The following ESR1 variants were observed in gnomAD, a reference collection of about 807,000 sequenced individuals.
The protein encoded by ESR1 is estrogen receptor.
In ESR1, 12 loss-of-function variants were observed where a neutral mutation model predicts 52.7. That is an observed-to-expected ratio of 0.23 (90% CI 0.15 to 0.37). The LOEUF is 0.37. Among genes scored for constraint, ESR1 ranks in the 10% least tolerant of loss-of-function variants. The pLI, the probability that ESR1 is intolerant of heterozygous loss-of-function variation, is 1.00. For synonymous variants in ESR1, 305 were observed against 316.8 expected (o/e 0.96, Z 0.39); for missense variants, 584 against 779.7 (o/e 0.75, Z 2.99).
At chr6:151,680,307 G>C (rs994465726) in intron 1 of ESR1, among the ~76,000 whole-genome samples, 1 of 149,870 alleles carries the variant, frequency 6.7e-6, no homozygotes, top group Admixed American at 6.7e-5. Flanking sequence ...AGGTTCAAGT[G>C]AGTCTCCTGC....
At chr6:152,091,887 A>G (rs754503020) in intron 6 of ESR1, among the ~76,000 whole-genome samples, 4 of 152,220 alleles carry the variant, frequency 2.6e-5, no homozygotes, top group Admixed American at 6.5e-5. Flanking sequence ...GGTGGGAACA[A>G]AAAAGGAAAT....
intron 5 of ESR1, among the ~76,000 whole-genome samples, chr6:152,056,784 G>A (rs565885174): frequency 7.9e-5 from 12 of 152,256 alleles, no homozygotes; most frequent in African/African-American, 1.2e-4. Context: ...AGGCTGTCAC[G>A]TCTCACAGTG....
At chr6:151,868,242 C>T (rs1790314004) in intron 2 of ESR1, among the ~76,000 whole-genome samples, 1 of 152,148 alleles carries the variant, frequency 6.6e-6, no homozygotes, top group South Asian at 2.1e-4. Flanking sequence ...ATTCTCCTGC[C>T]TCAGCCTCCC....
At chr6:151,851,669 A>T (rs1274271910) in intron 2 of ESR1, among the ~76,000 whole-genome samples, 1 of 152,014 alleles carries the variant, frequency 6.6e-6, no homozygotes, top group African/African-American at 2.4e-5. Flanking sequence ...CTAGGATTAC[A>T]GGCGTCCACC....
At chr6:152,021,805 GT>G (rs1356198629) in intron 5 of ESR1, among the ~76,000 whole-genome samples, 2 of 152,040 alleles carry the variant, frequency 1.3e-5, no homozygotes, top group African/African-American at 4.8e-5. Flanking sequence ...TCTTCTCCTG[GT>G]AGTGAATAAG....
At chr6:152,114,714 A>C (rs2051187188) in intron 6 of ESR1, among the ~76,000 whole-genome samples, 2 of 150,936 alleles carry the variant, frequency 1.3e-5, no homozygotes, top group African/African-American at 4.9e-5. Flanking sequence ...AAACGGTGAA[A>C]CCCCGTCTCT....
intron 1 of ESR1, among the ~76,000 whole-genome samples, chr6:151,841,753 C>A (rs997550806): frequency 2.0e-5 from 3 of 151,892 alleles, no homozygotes; most frequent in Non-Finnish European, 4.4e-5. Context: ...CTGATTTTCA[C>A]GCAGTCTGGA....
intron 4 of ESR1, among the ~76,000 whole-genome samples, chr6:151,964,498 G>A (rs2982693): frequency 0.59 from 90,181 of 151,784 alleles, 27,544 homozygotes; most frequent in Middle Eastern, 0.73. Flanking sequence ...GAAAAGCTAT[G>A]GATTTTTGCA....
At chr6:151,829,461 C>G (rs748337256) in intron 1 of ESR1, among the ~76,000 whole-genome samples, 1 of 152,084 alleles carries the variant, frequency 6.6e-6, no homozygotes, top group Non-Finnish European at 1.5e-5. Flanking sequence ...GCATTAGAAA[C>G]GCAATGGCTA....
chr6:151,841,187 C>G (rs1035498449), intron 1 of ESR1, among the ~76,000 whole-genome samples: 1 of 152,210 alleles, frequency 6.6e-6, no homozygotes, highest in Admixed American at 6.6e-5. Flanking sequence ...CTGGCCCATG[C>G]CCTTCAGTCT....
intron 4 of ESR1, among the ~76,000 whole-genome samples, chr6:151,992,285 G>A (rs1453571110): frequency 6.6e-6 from 1 of 151,924 alleles, no homozygotes; most frequent in Non-Finnish European, 1.5e-5. Context: ...ATCATCCCAG[G>A]CAAACTCTGT....
At chr6:151,886,704 G>A (rs917360023) in intron 3 of ESR1, among the ~76,000 whole-genome samples, 2 of 152,138 alleles carry the variant, frequency 1.3e-5, no homozygotes, top group Non-Finnish European at 2.9e-5. Flanking sequence ...TGGGGACTGC[G>A]ATTGGAATCC....
At chr6:152,111,160 G>A (rs1246914529) in intron 6 of ESR1, among the ~76,000 whole-genome samples, 1 of 152,196 alleles carries the variant, frequency 6.6e-6, no homozygotes, top group Non-Finnish European at 1.5e-5. Flanking sequence ...GGCCCAGGAA[G>A]GGACCACAGC....
At chr6:151,905,041 A>G (rs1797231345) in intron 3 of ESR1, among the ~76,000 whole-genome samples, 1 of 152,220 alleles carries the variant, frequency 6.6e-6, no homozygotes, top group Non-Finnish European at 1.5e-5. Context: ...ACAGAAACAA[A>G]AGCAAAACAA....
chr6:151,816,906 C>T (rs1464457247), intron 1 of ESR1, among the ~76,000 whole-genome samples: 2 of 152,040 alleles, frequency 1.3e-5, no homozygotes, highest in Non-Finnish European at 2.9e-5. Flanking sequence ...AACAAAGGCA[C>T]TCCAAATCAG....
intron 5 of ESR1, among the ~76,000 whole-genome samples, chr6:152,039,644 C>A (rs2045618742): frequency 6.6e-6 from 1 of 152,094 alleles, no homozygotes; most frequent in African/African-American, 2.4e-5. Flanking sequence ...CATTTCCACC[C>A]CTTGATTCCT....
At chr6:151,966,478 T>G (rs978633924) in intron 4 of ESR1, among the ~76,000 whole-genome samples, 2 of 152,166 alleles carry the variant, frequency 1.3e-5, no homozygotes, top group Non-Finnish European at 2.9e-5. Flanking sequence ...TTTTGTTGTC[T>G]CTCTTTTCTC....
chr6:151,781,493 C>T (rs1786536413), intron 2 of ESR1, among the ~76,000 whole-genome samples: 1 of 152,166 alleles, frequency 6.6e-6, no homozygotes, highest in African/African-American at 2.4e-5. Flanking sequence ...TTGGAGGAGA[C>T]AAAAATTCAA....
chr6:152,100,163 T>G lies in ESR1; in HGVS notation c.*1197T>G. On this transcript the variant is annotated 3_prime_UTR_variant, in exon 8 of 8. Coordinates refer to ENST00000206249, the MANE Select transcript of ESR1 (RefSeq NM_000125.4). Reference sequence around the variant, plus strand: ...ATTGCCCTTTGGGGGTGCCCTGGGATCCCTGGGGTAGTCCAGCTCTTCTTC... The same window carrying G: ...ATTGCCCTTTGGGGGTGCCCTGGGAGCCCTGGGGTAGTCCAGCTCTTCTTC... 1 of 398,440 alleles carries G rather than the reference T, an allele frequency of 2.5e-6. No homozygotes were observed. Among genetic ancestry groups the G allele is most frequent in the Non-Finnish European group, 4.4e-6 (1 of 226,058 alleles). The allele number at this position is 398,440 out of a possible 1,614,324, so 24.7% of individuals were successfully genotyped here.
Sources: allele counts gnomAD v4.1 joint callset (sites outside exome capture counted in the v4.1 genomes callset), GRCh38; gene constraint gnomAD v4.1.1; transcripts MANE v1.5; gene names NCBI Gene and HGNC (gene_info 2026-07-23, HGNC 2026-07-21).